The following DGKQ variants were observed in gnomAD, a reference collection of about 807,000 sequenced individuals.
DGKQ encodes the protein diacylglycerol kinase theta.
A neutral mutation model predicts 104.2 loss-of-function variants in DGKQ; 97 were observed. The observed-to-expected ratio is 0.93, with a 90% CI of 0.79 to 1.10. DGKQ has a LOEUF of 1.10. DGKQ is among the 50% of genes least tolerant of loss of function. The pLI, the probability that DGKQ is intolerant of heterozygous loss-of-function variation, is 0.00. For synonymous variants in DGKQ, 736 were observed against 595.2 expected (o/e 1.24, Z -3.44); for missense variants, 1,465 against 1,352.1 (o/e 1.08, Z -1.31).
Position 973,504 on chromosome 4 carries a change from C to A in DGKQ, c.-22G>T, listed in dbSNP as rs1426760731. ...CCATTCCCGGCCCGAGCGGCCCGAGCCCCTTTAGGTCCGCGCCGGGGGTAC... is the reference window on the plus strand; with the variant it reads ...CCATTCCCGGCCCGAGCGGCCCGAGACCCTTTAGGTCCGCGCCGGGGGTAC... On this transcript the variant is annotated 5_prime_UTR_variant, in exon 1 of 23. Coordinates refer to ENST00000273814, the MANE Select transcript of DGKQ (RefSeq NM_001347.4). The A allele has an allele frequency of 1.0e-6, 1 of 986,924 alleles. No homozygotes were observed. The highest frequency in any genetic ancestry group is 1.7e-5 in the African/African-American group (1 of 57,170). 61.1% of individuals were successfully genotyped at this position (986,924 alleles called of 1,614,324 possible).
chr4:966,154 C>A (rs926146204), intron 12 of DGKQ, 76 bp from the exon 13 acceptor site: 1 of 1,379,270 alleles, frequency 7.3e-7, no homozygotes, highest in Non-Finnish European at 9.9e-7. Flanking sequence ...TCCTCACCCG[C>A]AAAACAGCAA....
chr4:971,962 C>T lies in DGKQ; in HGVS notation c.272-890G>A, dbSNP rs1030846907. On this transcript the variant is annotated intron_variant, in intron 1 of 22. Coordinates refer to ENST00000273814, the MANE Select transcript of DGKQ (RefSeq NM_001347.4). This position sits in a 1 kb window ranked among gnomAD's most constrained non-coding sequence, Gnocchi z 4.0. ...CCAGATGGGACCGGGAGAAGCTTCT[C>T]CTGGCAGCTTAAGAGAAAAGCTCTG... 4.6e-5 allele frequency among the ~76,000 whole-genome samples: 7 copies of T among 152,082 alleles called. No homozygotes were observed. Among genetic ancestry groups the T allele is most frequent in the Middle Eastern group, 3.2e-3 (1 of 316 alleles).
rs769650537 is a variant in DGKQ, at chr4:963,217, C to T, written c.1808G>A (p.Arg603Gln). Residue 603 changes from arginine to glutamine, a missense_variant, in exon 16 of 23, where the codon CGA (arginine) becomes CAA (glutamine). Coordinates refer to ENST00000273814, the MANE Select transcript of DGKQ (RefSeq NM_001347.4). ...VNPKSGGLKG[R>Q]DLLCSFRKLL... ...CTTCCGGAAGCTGCAGAGCAGGTCT[C>T]GGCCCTTGAGGCCTCCACTCTTGGG... 1.1e-5 allele frequency: 18 copies of T among 1,611,598 alleles called. No homozygotes were observed. Among genetic ancestry groups the T allele is most frequent in the South Asian group, 2.2e-5 (2 of 91,068 alleles).
In DGKQ at chr4:967,254, A is replaced by G. The variant is rs959904448; in HGVS notation, c.1095T>C (p.Ala365=). The G allele has an allele frequency of 1.5e-5, 23 of 1,561,060 alleles. No individual in the cohort carries two copies. Among genetic ancestry groups the G allele is most frequent in the Non-Finnish European group, 1.8e-5 (21 of 1,157,134 alleles). The stretch of plus-strand genomic sequence containing the variant: ...CCTCCTCCGAGATCACAGCACTCCC[A>G]GCCTTGCCCCCAGCCCAGGCGTCAC... ...QACDAWAGGK[A]GSAVISEEGR... The change falls in exon 9 of 23, where the codon GCT becomes GCC. Residue 365 remains alanine (A), a synonymous_variant. Coordinates refer to ENST00000273814, the MANE Select transcript of DGKQ (RefSeq NM_001347.4).
At chr4:963,900 G>A (rs1000671604) in intron 15 of DGKQ, among the ~76,000 whole-genome samples, 6 of 152,296 alleles carry the variant, frequency 3.9e-5, no homozygotes, top group African/African-American at 4.8e-5. Flanking sequence ...GGGACCCTAC[G>A]ACAGGAGGCT....
intron 17 of DGKQ, 38 bp downstream of exon 17, chr4:962,734 C>T (rs756841160): frequency 1.3e-6 from 2 of 1,597,278 alleles, no homozygotes; most frequent in South Asian, 2.2e-5. Flanking sequence ...AAGGGGTAGA[C>T]CCTGAGGCCC....
intron 22 of DGKQ, 95 bp from the exon 23 acceptor site, chr4:960,816 T>A: frequency 6.5e-7 from 1 of 1,533,030 alleles, no homozygotes; most frequent in South Asian, 1.2e-5. Context: ...GGGCAGCTGA[T>A]GCCATCTCAG....
Position 965,523 on chromosome 4 carries a change from A to G in DGKQ, c.1586T>C (p.Val529Ala). ...GGAGTAGATGTGACTCACGGACACC[A>G]CGGTGGCTGCAAAGGCAGGCTGTGG... ...LHEAGATKATVVSVSHIYSSQ... is the reference protein window; with the variant it reads ...LHEAGATKATAVSVSHIYSSQ... The change falls in exon 14 of 23, where the codon GTG becomes GCG. Residue 529 changes from valine to alanine, a missense_variant. Transcript: ENST00000273814. 6.2e-7 allele frequency: 1 copy of G among 1,611,970 alleles called. No individual in the cohort carries two copies. Among genetic ancestry groups the G allele is most frequent in the Non-Finnish European group, 8.5e-7 (1 of 1,179,628 alleles).
intron 1 of DGKQ, among the ~76,000 whole-genome samples, chr4:972,618 C>T (rs1713022842): frequency 6.6e-6 from 1 of 151,160 alleles, no homozygotes; most frequent in Admixed American, 6.6e-5. Flanking sequence ...GTCCCCCTGT[C>T]CCTCGCTCCC....
Position 973,394 on chromosome 4 carries a change from C to G in DGKQ, c.89G>C (p.Gly30Ala). 9.4e-7 allele frequency: 1 copy of G among 1,063,568 alleles called. No individual in the cohort carries two copies. The highest frequency in any genetic ancestry group is 1.1e-6 in the Non-Finnish European group (1 of 883,708). 65.9% of individuals were successfully genotyped at this position (1,063,568 alleles called of 1,614,324 possible). A position where few individuals can be genotyped will look rare whatever the true frequency, so the allele number is the denominator to read the frequency against. Reference protein sequence around the residue: ...PGSPACSPVLGSGGRARPGPG... With the variant: ...PGSPACSPVLASGGRARPGPG... ...CCCCGGGCGCGCGCGGCCTCCTGAGCCCAGCACGGGGCTGCAGGCCGGGCT... is the reference window on the plus strand; with the variant it reads ...CCCCGGGCGCGCGCGGCCTCCTGAGGCCAGCACGGGGCTGCAGGCCGGGCT... Residue 30 changes from glycine to alanine, a missense_variant, in exon 1 of 23, where the codon GGC becomes GCC. Transcript: ENST00000273814.
intron 14 of DGKQ, 47 bp downstream of exon 14, chr4:965,443 AG>A: frequency 3.1e-6 from 5 of 1,593,392 alleles, no homozygotes; most frequent in Non-Finnish European, 4.3e-6. Context: ...ACTTCACCCC[AG>A]GAACACCCCT....
chr4:966,211 G>A (rs1294770195), intron 12 of DGKQ, 133 bp from the exon 13 acceptor site: 8 of 1,038,732 alleles, frequency 7.7e-6, no homozygotes, highest in South Asian at 3.2e-5. Context: ...ACAGGAAAAC[G>A]AGGAAAGGGG....
intron 13 of DGKQ, 115 bp downstream of exon 13, chr4:965,813 C>T (rs1712271076): frequency 8.1e-7 from 1 of 1,240,026 alleles, no homozygotes; most frequent in Non-Finnish European, 1.1e-6. Context: ...GGACCCGGAG[C>T]TCAGGCCTTG....
At chr4:962,956 G>C (rs568421174) in intron 16 of DGKQ, 36 bp from the exon 17 acceptor site, 3 of 1,582,468 alleles carry the variant, frequency 1.9e-6, no homozygotes, top group Non-Finnish European at 2.6e-6. Flanking sequence ...TACCAGCTGC[G>C]GGCGCAGCCC....
rs1009705168 is a variant in DGKQ, at chr4:960,902, G to T, written c.2727+147C>A. 45 of 1,485,528 alleles carry T rather than the reference G, an allele frequency of 3.0e-5. No individual in the cohort carries two copies. The African/African-American group carries it at 6.2e-4, about 20-fold the overall frequency. 92.0% of individuals were successfully genotyped at this position (1,485,528 alleles called of 1,614,324 possible). The stretch of plus-strand genomic sequence containing the variant: ...TGTGGCCCGCCTGGCCACTGGCACA[G>T]CCCTCCTCTGAAGCAGGCACCCTCC... On this transcript the variant is annotated intron_variant, in intron 22 of 22. Coordinates refer to ENST00000273814, the MANE Select transcript of DGKQ (RefSeq NM_001347.4).
intron 2 of DGKQ, 121 bp downstream of exon 2, chr4:970,872 C>T: frequency 2.8e-6 from 2 of 702,432 alleles, no homozygotes; most frequent in Non-Finnish European, 4.9e-6. Context: ...AGTATCTGCC[C>T]TTTGCCTTTC....
Position 961,831 on chromosome 4 carries a change from C to A in DGKQ, c.2319G>T (p.Leu773=). 1 of 1,597,918 alleles carries A rather than the reference C, an allele frequency of 6.3e-7. No individual in the cohort carries two copies. The highest frequency in any genetic ancestry group is 8.5e-7 in the Non-Finnish European group (1 of 1,172,128). The change falls in exon 20 of 23, where the codon CTG becomes CTT. Residue 773 remains leucine, a synonymous_variant. Coordinates refer to ENST00000273814, the MANE Select transcript of DGKQ (RefSeq NM_001347.4). The stretch of plus-strand genomic sequence containing the variant: ...CCCGCACGTACACACCCTTGTTGTG[C>A]AGCCTGCAGGACGGGGCAGGTCACC... ...EEEPGKFTSR[L]HNKGVYVRVG... is the part of the protein sequence containing the mutation.
chr4:963,899 C>T (rs902408238), intron 15 of DGKQ, among the ~76,000 whole-genome samples: 4 of 152,198 alleles, frequency 2.6e-5, no homozygotes, highest in Non-Finnish European at 4.4e-5. Context: ...AGGGACCCTA[C>T]GACAGGAGGC....
At chr4:972,874 C>A (rs1358871665) in intron 1 of DGKQ, among the ~76,000 whole-genome samples, 1 of 152,240 alleles carries the variant, frequency 6.6e-6, no homozygotes, top group Admixed American at 6.5e-5. Context: ...CCAGGCCAGC[C>A]CTGCTTAGCC....
Sources: gnomAD v4.1 joint callset for allele counts (sites outside exome capture counted in the v4.1 genomes callset) on GRCh38, gnomAD v4.1.1 for gene constraint, Gnocchi (gnomAD v3.1) non-coding constraint, MANE v1.5 for transcripts, NCBI Gene and HGNC (gene_info 2026-07-23, HGNC 2026-07-21) for gene names.